UBTD1: variants seen among roughly 807,000 people sequenced by gnomAD.
UBTD1 encodes ubiquitin domain containing 1.
UBTD1 carries 19 observed loss-of-function variants against 21.7 expected under a neutral mutation model. The ratio of observed to expected loss-of-function variants is 0.87; its 90% confidence interval spans 0.61 to 1.28. The LOEUF (loss-of-function observed/expected upper bound fraction) is 1.28. Ranked by LOEUF, UBTD1 falls within the 50% of genes most tolerant of loss-of-function variation. The pLI, the probability that UBTD1 is intolerant of heterozygous loss-of-function variation, is 0.00. For missense variants in UBTD1, 282 were observed against 315.1 expected (o/e 0.89, Z 0.80); for synonymous variants, 116 against 135.1 (o/e 0.86, Z 0.98).
Position 97,568,050 on chromosome 10 carries a change from T to A in UBTD1, c.207T>A (p.Asp69Glu). ...PAFEGRKEIW[D>E]ALKAAAYAAE... is the part of the protein sequence containing the mutation. ...TCGAGGGCCGCAAGGAGATCTGGGA[T>A]GCCCTCAAGGCTGCCGCCTATGCTG... The change falls in exon 2 of 3, where the codon GAT becomes GAA. Residue 69 changes from aspartate to glutamate, a missense_variant. Transcript: ENST00000370664. 1 of 1,613,876 alleles carries A rather than the reference T, an allele frequency of 6.2e-7. No homozygotes were observed. Among genetic ancestry groups the A allele is most frequent in the South Asian group, 1.1e-5 (1 of 91,088 alleles).
At chr10:97,540,411 C>G (rs1376717620) in intron 1 of UBTD1, among the ~76,000 whole-genome samples, 1 of 152,174 alleles carries the variant, frequency 6.6e-6, no homozygotes, top group East Asian at 1.9e-4. Context: ...TTGTGGGGGT[C>G]AGGATGGGAG....
chr10:97,524,286 C>G (rs11189256), intron 1 of UBTD1, among the ~76,000 whole-genome samples: 36,257 of 106,316 alleles, frequency 0.34, 4,668 homozygotes, highest in South Asian at 0.52. Context: ...TGTAGGGATG[C>G]GGGGGGGTCT....
chr10:97,502,955 C>T (rs148649956), intron 1 of UBTD1, among the ~76,000 whole-genome samples: 12 of 149,642 alleles, frequency 8.0e-5, no homozygotes, highest in South Asian at 2.1e-4. Flanking sequence ...CTTGTTCTCT[C>T]GCTCAGGCTG....
intron 1 of UBTD1, among the ~76,000 whole-genome samples, chr10:97,542,920 C>T (rs780644336): frequency 1.3e-5 from 2 of 152,234 alleles, no homozygotes; most frequent in Non-Finnish European, 1.5e-5. Context: ...CAGCCTGGTT[C>T]TAGATCAGCA....
At chr10:97,556,406 C>T (rs921427251) in intron 1 of UBTD1, among the ~76,000 whole-genome samples, 4 of 152,202 alleles carry the variant, frequency 2.6e-5, no homozygotes, top group African/African-American at 9.6e-5. Context: ...TGATAGATAG[C>T]ATTTCTCATC....
At chr10:97,560,461 G>A (rs1012170998) in intron 1 of UBTD1, among the ~76,000 whole-genome samples, 1 of 152,018 alleles carries the variant, frequency 6.6e-6, no homozygotes, top group African/African-American at 2.4e-5. Flanking sequence ...CTCTCTGCTG[G>A]TCTTTACTTG....
chr10:97,535,969 A>ATTATTATTATTATTATTG (rs1554865894), intron 1 of UBTD1, among the ~76,000 whole-genome samples: 66 of 48,674 alleles, frequency 1.4e-3, no homozygotes, highest in South Asian at 4.5e-3. Flanking sequence ...TTGGAGAGAA[A>ATTATTATTATTATTATTG]TTATTATTAT....
At chr10:97,569,277 C>T (rs2040733318) in intron 2 of UBTD1, among the ~76,000 whole-genome samples, 1 of 152,214 alleles carries the variant, frequency 6.6e-6, no homozygotes, top group South Asian at 2.1e-4. Context: ...TTAGTCCAGT[C>T]CCAGCACTTA....
At chr10:97,523,382 C>G (rs1167400488) in intron 1 of UBTD1, among the ~76,000 whole-genome samples, 3 of 152,174 alleles carry the variant, frequency 2.0e-5, no homozygotes, top group Non-Finnish European at 4.4e-5. Context: ...TCTCCCAGCA[C>G]CTGGTGGTGT....
At chr10:97,549,303 G>T (rs376211971) in intron 1 of UBTD1, among the ~76,000 whole-genome samples, 2 of 152,288 alleles carry the variant, frequency 1.3e-5, no homozygotes, top group East Asian at 3.9e-4. Flanking sequence ...AGTGAGGCTT[G>T]TTCACAAAAC....
intron 1 of UBTD1, among the ~76,000 whole-genome samples, chr10:97,508,512 A>G (rs949599564): frequency 2.6e-5 from 4 of 152,196 alleles, no homozygotes; most frequent in African/African-American, 9.7e-5. Flanking sequence ...ACAGAGCTGG[A>G]ACTCAGCCTG....
At position 97,499,102 on chromosome 10, in the gene UBTD1, C is replaced by T; in HGVS notation, c.-102C>T. 1.5e-6 allele frequency: 2 copies of T among 1,331,264 alleles called. No individual in the cohort carries two copies. The highest frequency in any genetic ancestry group is 1.5e-5 in the African/African-American group (1 of 65,116). The allele number at this position is 1,331,264 out of a possible 1,614,324, so 82.5% of individuals were successfully genotyped here. ...CCCCGGGGGGAGATCGGGGAGCGCC[C>T]GATGCCGGGCGGCCGGAGCCATTGA... On this transcript the variant is annotated 5_prime_UTR_variant, in exon 1 of 3. Coordinates refer to ENST00000370664, the MANE Select transcript of UBTD1 (RefSeq NM_024954.5).
At chr10:97,555,422 G>C (rs888577539) in intron 1 of UBTD1, among the ~76,000 whole-genome samples, 1 of 152,050 alleles carries the variant, frequency 6.6e-6, no homozygotes, top group African/African-American at 2.4e-5. Flanking sequence ...TGTGGCTCAC[G>C]TGAGGTGGGG....
At chr10:97,557,866 T>C (rs1306762822) in intron 1 of UBTD1, among the ~76,000 whole-genome samples, 1 of 152,210 alleles carries the variant, frequency 6.6e-6, no homozygotes, top group South Asian at 2.1e-4. Context: ...GGTACACTTA[T>C]AATAATCATA....
chr10:97,518,339 C>T (rs1393860289), intron 1 of UBTD1, among the ~76,000 whole-genome samples: 1 of 152,182 alleles, frequency 6.6e-6, no homozygotes, highest in African/African-American at 2.4e-5. Flanking sequence ...CTGGTTCTTT[C>T]TCCCTAGCTG....
intron 1 of UBTD1, among the ~76,000 whole-genome samples, chr10:97,560,061 C>G (rs2040685218): frequency 6.6e-6 from 1 of 151,962 alleles, no homozygotes; most frequent in Non-Finnish European, 1.5e-5. Flanking sequence ...TTTTTTATAA[C>G]ATTTTTTCTT....
intron 1 of UBTD1, among the ~76,000 whole-genome samples, chr10:97,529,729 AC>A (rs746206033): frequency 0.014 from 754 of 54,712 alleles, 5 homozygotes; most frequent in Middle Eastern, 0.095. Flanking sequence ...TGAGAGGGAG[AC>A]CGTGGAAAGA....
Position 97,499,170 on chromosome 10 carries a change from C to T in UBTD1, c.-34C>T. On this transcript the variant is annotated 5_prime_UTR_variant, in exon 1 of 3. Coordinates refer to ENST00000370664, the MANE Select transcript of UBTD1 (RefSeq NM_024954.5). ...CGCTGAGCAGCCGACCACCCCGCCG[C>T]CTCCGGTGCATGGGGACTGGCTGAG... 2 of 1,512,652 alleles carry T rather than the reference C, an allele frequency of 1.3e-6. No individual in the cohort carries two copies. Among genetic ancestry groups the T allele is most frequent in the East Asian group, 2.7e-5 (1 of 37,544 alleles). 93.7% of individuals were successfully genotyped at this position (1,512,652 alleles called of 1,614,324 possible). A position where few individuals can be genotyped will look rare whatever the true frequency, so the allele number is the denominator to read the frequency against.
At chr10:97,546,573 G>A (rs2040611529) in intron 1 of UBTD1, among the ~76,000 whole-genome samples, 1 of 135,834 alleles carries the variant, frequency 7.4e-6, no homozygotes. Flanking sequence ...GGGTGACCGA[G>A]TGTGACCCTG....
Sources: allele counts gnomAD v4.1 joint callset (sites outside exome capture counted in the v4.1 genomes callset), GRCh38; gene constraint gnomAD v4.1.1; transcripts MANE v1.5; gene names NCBI Gene and HGNC (gene_info 2026-07-23, HGNC 2026-07-21).